The following LRFN2 variants were observed in gnomAD, a reference collection of about 807,000 sequenced individuals.
LRFN2 encodes the protein leucine rich repeat and fibronectin type III domain containing 2.
In LRFN2, 18 loss-of-function variants were observed where a neutral mutation model predicts 37.3. That is an observed-to-expected ratio of 0.48 (90% CI 0.33 to 0.72). The LOEUF is 0.72. Among genes scored for constraint, LRFN2 ranks in the 30% least tolerant of loss-of-function variants. LRFN2 has a pLI of 0.02. For synonymous variants in LRFN2, 556 were observed against 466.6 expected (o/e 1.19, Z -2.47); for missense variants, 1,006 against 1,060.7 (o/e 0.95, Z 0.72).
chr6:40,439,219 G>T (rs1004954912), intron 1 of LRFN2, among the ~76,000 whole-genome samples: 1 of 152,170 alleles, frequency 6.6e-6, no homozygotes, highest in Non-Finnish European at 1.5e-5. Context: ...GGAGCCGCCC[G>T]CCCCTAGAGC....
intron 1 of LRFN2, among the ~76,000 whole-genome samples, chr6:40,452,305 A>C (rs904944862): frequency 6.6e-6 from 1 of 152,226 alleles, no homozygotes; most frequent in Admixed American, 6.5e-5. Context: ...CAATATCAAA[A>C]GCCCAAGGCC....
intron 1 of LRFN2, among the ~76,000 whole-genome samples, chr6:40,538,369 T>G (rs369718238): frequency 1.2e-4 from 19 of 152,150 alleles, no homozygotes; most frequent in African/African-American, 2.2e-4. Flanking sequence ...CTACCTTCCC[T>G]CTGACAGCTC....
intron 2 of LRFN2, among the ~76,000 whole-genome samples, chr6:40,394,884 AC>A (rs1177119882): frequency 6.7e-6 from 1 of 149,602 alleles, no homozygotes; most frequent in Non-Finnish European, 1.5e-5. Context: ...TGTGCCTTTC[AC>A]CTTTTGCCAT....
At chr6:40,447,420 A>G (rs926679551) in intron 1 of LRFN2, among the ~76,000 whole-genome samples, 2 of 152,166 alleles carry the variant, frequency 1.3e-5, no homozygotes, top group African/African-American at 4.8e-5. Flanking sequence ...TACCTTTAAC[A>G]TCACTAGAGG....
At chr6:40,469,841 C>G (rs1258354696) in intron 1 of LRFN2, among the ~76,000 whole-genome samples, 1 of 152,142 alleles carries the variant, frequency 6.6e-6, no homozygotes, top group Non-Finnish European at 1.5e-5. Context: ...GCCTTGTCCC[C>G]CCAAGAGCTG....
chr6:40,480,663 T>G (rs948146614), intron 1 of LRFN2, among the ~76,000 whole-genome samples: 9 of 152,152 alleles, frequency 5.9e-5, no homozygotes, highest in African/African-American at 2.2e-4. Flanking sequence ...CTCCTTGCCC[T>G]GCTTGCTGTG....
intron 1 of LRFN2, among the ~76,000 whole-genome samples, chr6:40,492,201 A>T (rs1765109478): frequency 6.6e-6 from 1 of 152,188 alleles, no homozygotes; most frequent in African/African-American, 2.4e-5. Flanking sequence ...ACTTAAGGTG[A>T]TGGGACTAGT....
chr6:40,471,937 C>G (rs1484537546), intron 1 of LRFN2, among the ~76,000 whole-genome samples: 1 of 152,200 alleles, frequency 6.6e-6, no homozygotes, highest in East Asian at 1.9e-4. Context: ...TTATTCACAC[C>G]TATTTAGTGA....
intron 2 of LRFN2, among the ~76,000 whole-genome samples, chr6:40,393,345 T>A (rs1191605520): frequency 6.6e-6 from 1 of 151,574 alleles, no homozygotes; most frequent in Non-Finnish European, 1.5e-5. Context: ...AGACCGAGGA[T>A]GTGTCAGAGA....
At chr6:40,549,223 A>G (rs1766721187) in intron 1 of LRFN2, among the ~76,000 whole-genome samples, 1 of 152,218 alleles carries the variant, frequency 6.6e-6, no homozygotes, top group African/African-American at 2.4e-5. Context: ...TTCTAGCAAA[A>G]TGACAGTCAA....
intron 1 of LRFN2, among the ~76,000 whole-genome samples, chr6:40,580,966 T>A (rs1767386610): frequency 6.6e-6 from 1 of 152,134 alleles, no homozygotes; most frequent in South Asian, 2.1e-4. Context: ...CAAGTGTGGA[T>A]GTGTGTGAGG....
At chr6:40,487,396 A>T (rs929282670) in intron 1 of LRFN2, among the ~76,000 whole-genome samples, 2 of 152,152 alleles carry the variant, frequency 1.3e-5, no homozygotes, top group Admixed American at 1.3e-4. Flanking sequence ...GGGGTGCCTC[A>T]CAGGTGCTCC....
At chr6:40,553,285 G>A (rs542622018) in intron 1 of LRFN2, among the ~76,000 whole-genome samples, 1 of 152,258 alleles carries the variant, frequency 6.6e-6, no homozygotes, top group East Asian at 1.9e-4. Flanking sequence ...ATTAAACAAA[G>A]CAATAATGAG....
intron 1 of LRFN2, among the ~76,000 whole-genome samples, chr6:40,487,505 T>C (rs1382929616): frequency 6.6e-6 from 1 of 152,242 alleles, no homozygotes; most frequent in Non-Finnish European, 1.5e-5. Context: ...ATGGAGCCTA[T>C]CCTTGCATCT....
chr6:40,443,661 G>T (rs902077696), intron 1 of LRFN2, among the ~76,000 whole-genome samples: 1 of 152,162 alleles, frequency 6.6e-6, no homozygotes, highest in Non-Finnish European at 1.5e-5. Flanking sequence ...GGGGAGAAGG[G>T]GTGGAGACAC....
chr6:40,540,388 CT>C (rs960737656), intron 1 of LRFN2, among the ~76,000 whole-genome samples: 2 of 152,134 alleles, frequency 1.3e-5, no homozygotes, highest in African/African-American at 4.8e-5. Context: ...AGATCCCAAG[CT>C]TTTGCAAAGC....
intron 1 of LRFN2, among the ~76,000 whole-genome samples, chr6:40,540,093 T>C (rs967085950): frequency 2.0e-5 from 3 of 152,118 alleles, no homozygotes; most frequent in Non-Finnish European, 1.5e-5. Context: ...AGAACACATG[T>C]GGTGTCTGAC....
rs369323208 is a variant in LRFN2, at chr6:40,472,069, C to T, written c.-18-38938G>A. ...TGCAGGGTCCTAAACATGAGCTCCC[C>T]GGTGTGTGTGTGCACATGCACGGAA... On this transcript the variant is annotated intron_variant, in intron 1 of 2. Transcript: ENST00000338305. Among the ~76,000 whole-genome samples the T allele has an allele frequency of 1.3e-4, 20 of 152,174 alleles. No homozygotes were observed. The East Asian group carries it at 1.7e-3, about 13-fold the overall frequency.
At chr6:40,456,711 G>A (rs1764243836) in intron 1 of LRFN2, among the ~76,000 whole-genome samples, 2 of 152,190 alleles carry the variant, frequency 1.3e-5, no homozygotes, top group South Asian at 4.2e-4. Context: ...GATTGTTGAG[G>A]GCTCTCCATA....
Sources: allele counts gnomAD v4.1 joint callset (sites outside exome capture counted in the v4.1 genomes callset), GRCh38; gene constraint gnomAD v4.1.1; transcripts MANE v1.5; gene names NCBI Gene and HGNC (gene_info 2026-07-23, HGNC 2026-07-21).